The following ACCSL variants were observed in gnomAD, a reference collection of about 807,000 sequenced individuals.
ACCSL encodes 1-aminocyclopropane-1-carboxylate synthase homolog (inactive) like.
A neutral mutation model predicts 61.7 loss-of-function variants in ACCSL; 55 were observed. The ratio of observed to expected loss-of-function variants is 0.89; its 90% CI spans 0.72 to 1.12. ACCSL has a LOEUF of 1.12. Among genes scored for constraint, ACCSL ranks in the 50% most tolerant of loss-of-function variants. ACCSL has a pLI of 0.00. For missense variants in ACCSL, 632 were observed against 698.0 expected, an observed-to-expected ratio of 0.91 and a Z score of 1.07; for synonymous variants, 258 against 264.3, an observed-to-expected ratio of 0.98 and a Z score of 0.23.
upstream of ACCSL, among the ~76,000 whole-genome samples, chr11:44,045,603 G>A (rs1194095599): frequency 3.3e-5 from 5 of 152,206 alleles, no homozygotes; most frequent in East Asian, 9.7e-4. Context: ...TTGCCTACTA[G>A]GCCACACTGG....
chr11:43,987,233 C>G, the ACCSL span, among the ~76,000 whole-genome samples: 1 of 152,204 alleles, frequency 6.6e-6, no homozygotes, highest in African/African-American at 2.4e-5. Flanking sequence ...CTTCTGAGAA[C>G]CTGAAGTTAG....
At chr11:43,974,681 A>ATG in the ACCSL span, among the ~76,000 whole-genome samples, 1 of 152,176 alleles carries the variant, frequency 6.6e-6, no homozygotes, top group Non-Finnish European at 1.5e-5. Context: ...AAGGGTTGAT[A>ATG]TGTGTTACCA....
the ACCSL span, among the ~76,000 whole-genome samples, chr11:43,922,825 A>G: frequency 1.3e-5 from 2 of 152,082 alleles, no homozygotes; most frequent in Admixed American, 1.3e-4. Flanking sequence ...TACCAACACC[A>G]TTACTCCAGT....
chr11:43,951,661 C>T, the ACCSL span, among the ~76,000 whole-genome samples: 1 of 152,136 alleles, frequency 6.6e-6, no homozygotes, highest in East Asian at 1.9e-4. Flanking sequence ...TTAAAAAATG[C>T]GTAATATGTA....
chr11:43,941,683 G>A, the ACCSL span, among the ~76,000 whole-genome samples: 2 of 152,230 alleles, frequency 1.3e-5, no homozygotes, highest in African/African-American at 4.8e-5. Context: ...TCTGGAGTCA[G>A]CCCATCTGTT....
the ACCSL span, among the ~76,000 whole-genome samples, chr11:43,977,837 T>C: frequency 6.6e-6 from 1 of 152,248 alleles, no homozygotes; most frequent in South Asian, 2.1e-4. Context: ...CTGTGTGACC[T>C]TGAGCAAGTT....
chr11:43,980,469 C>T, the ACCSL span, among the ~76,000 whole-genome samples: 1 of 151,678 alleles, frequency 6.6e-6, no homozygotes, highest in East Asian at 2.0e-4. Flanking sequence ...GCAATGTTTA[C>T]ATAATCGAAT....
At chr11:44,027,885 C>T in the ACCSL span, among the ~76,000 whole-genome samples, 1 of 152,134 alleles carries the variant, frequency 6.6e-6, no homozygotes. Flanking sequence ...TCGATCTAAG[C>T]TGGGTGTGGC....
chr11:44,001,675 C>T, the ACCSL span, among the ~76,000 whole-genome samples: 3 of 150,982 alleles, frequency 2.0e-5, no homozygotes, highest in African/African-American at 7.3e-5. Flanking sequence ...TGTTATAAAT[C>T]TAAATGTGGG....
At chr11:43,981,162 C>T in the ACCSL span, among the ~76,000 whole-genome samples, 1 of 152,200 alleles carries the variant, frequency 6.6e-6, no homozygotes, top group South Asian at 2.1e-4. Flanking sequence ...CTGATGTGGG[C>T]AGGTGGACTT....
rs760655993 is a variant in ACCSL, at chr11:44,058,414, TC to T, written c.1426del (p.His476ThrfsTer13). Reference sequence around the variant, plus strand: ...AGCTGAAGGCATTGGAGATCCCTTTTCACAACCGCAGCTCTGGCCTCTATGT... The same window carrying T: ...AGCTGAAGGCATTGGAGATCCCTTTTACAACCGCAGCTCTGGCCTCTATGT... ...AELKALEIPF[H>X]NRSSGLYVWI... On this transcript the variant is annotated frameshift_variant, in exon 12 of 14. Coordinates refer to ENST00000378832, the MANE Select transcript of ACCSL (RefSeq NM_001031854.2). LOFTEE classifies it high-confidence loss of function. 1 of 1,614,120 alleles carries T rather than the reference TC, an allele frequency of 6.2e-7. No homozygotes were observed. Among genetic ancestry groups the T allele is most frequent in the Admixed American group, 1.7e-5 (1 of 60,020 alleles).
chr11:43,973,572 C>T, the ACCSL span, among the ~76,000 whole-genome samples: 1 of 152,184 alleles, frequency 6.6e-6, no homozygotes, highest in Non-Finnish European at 1.5e-5. Context: ...TTGGCCTGCT[C>T]TCAACCCTTG....
At chr11:43,935,286 G>A in the ACCSL span, among the ~76,000 whole-genome samples, 5 of 152,218 alleles carry the variant, frequency 3.3e-5, no homozygotes, top group Non-Finnish European at 7.3e-5. Flanking sequence ...GCGGTGGCTG[G>A]GCCAAACACA....
the ACCSL span, among the ~76,000 whole-genome samples, chr11:44,025,019 G>A: frequency 6.6e-6 from 1 of 151,914 alleles, no homozygotes; most frequent in African/African-American, 2.4e-5. Context: ...TCTCTTTTAG[G>A]CACATTTGCA....
chr11:43,971,752 G>A, the ACCSL span, among the ~76,000 whole-genome samples: 1 of 152,132 alleles, frequency 6.6e-6, no homozygotes, highest in Non-Finnish European at 1.5e-5. Context: ...AGCTCCCTGG[G>A]CATCATCTCA....
At chr11:43,945,688 A>G in the ACCSL span, 1 of 149,522 alleles carries the variant, frequency 6.7e-6, no homozygotes, top group East Asian at 1.9e-4. Context: ...TACAAAAAAA[A>G]AAAAAAAAAA....
upstream of ACCSL, among the ~76,000 whole-genome samples, chr11:44,045,523 C>A (rs1271198794): frequency 1.3e-5 from 2 of 152,192 alleles, no homozygotes; most frequent in African/African-American, 4.8e-5. Flanking sequence ...CCTTGGCCCC[C>A]ATGTTTGCTA....
chr11:44,039,975 G>C, the ACCSL span, among the ~76,000 whole-genome samples: 1 of 152,352 alleles, frequency 6.6e-6, no homozygotes, highest in South Asian at 2.1e-4. Flanking sequence ...CGGGGAGGTA[G>C]GTTTCATTAC....
At chr11:44,012,699 G>A in the ACCSL span, among the ~76,000 whole-genome samples, 3 of 152,214 alleles carry the variant, frequency 2.0e-5, no homozygotes, top group Non-Finnish European at 1.5e-5. Context: ...TATACTTGAA[G>A]TTGTGTGCAG....
Sources: allele counts gnomAD v4.1 joint callset (sites outside exome capture counted in the v4.1 genomes callset), GRCh38; gene constraint gnomAD v4.1.1; transcripts MANE v1.5; gene names NCBI Gene and HGNC (gene_info 2026-07-23, HGNC 2026-07-21).